The following DLGAP1 variants were observed in gnomAD, a reference collection of about 807,000 sequenced individuals.
DLGAP1 encodes disks large-associated protein 1.
Under a neutral mutation model 90.8 loss-of-function variants are expected in DLGAP1, and 11 were observed. The ratio of observed to expected loss-of-function variants is 0.12; its 90% CI spans 0.08 to 0.20. The LOEUF (loss-of-function observed/expected upper bound fraction) is 0.20, where lower values mean the gene tolerates loss of function less well. Ranked by LOEUF, DLGAP1 falls within the 10% of genes least tolerant of loss-of-function variation. DLGAP1 has a pLI of 1.00. For missense variants in DLGAP1, 1,050 were observed against 1,333.8 expected, an observed-to-expected ratio of 0.79 and a Z score of 3.31; for synonymous variants, 558 against 540.7, an observed-to-expected ratio of 1.03 and a Z score of -0.44.
At chr18:3,978,922 G>C (rs147053993) in intron 3 of DLGAP1, among the ~76,000 whole-genome samples, 112 of 152,308 alleles carry the variant, frequency 7.4e-4, no homozygotes, top group Non-Finnish European at 6.2e-4. Flanking sequence ...TACGTGGAAA[G>C]TGTACGTAGG....
At chr18:4,088,094 C>T (rs202228464) in intron 2 of DLGAP1, among the ~76,000 whole-genome samples, 1 of 66,848 alleles carries the variant, frequency 1.5e-5, no homozygotes. Context: ...TTATTTTTTT[C>T]CTATAGAAAA....
chr18:3,728,145 A>T lies in DLGAP1; in HGVS notation c.1591+990T>A, dbSNP rs150217282. ...TAAAATGGAGTGATACAATATTCTGACACAGGCTTTTCTTTCCAATTTATT... is the reference window on the plus strand; with the variant it reads ...TAAAATGGAGTGATACAATATTCTGTCACAGGCTTTTCTTTCCAATTTATT... On this transcript the variant is annotated intron_variant, in intron 7 of 12. Transcript: ENST00000315677. Among the ~76,000 whole-genome samples, 5 of 152,158 alleles carry T rather than the reference A, an allele frequency of 3.3e-5. No homozygotes were observed. In the East Asian group the frequency reaches 9.6e-4, roughly 29 times the overall value.
chr18:4,071,783 C>T (rs7240031), intron 2 of DLGAP1, among the ~76,000 whole-genome samples: 21,972 of 152,152 alleles, frequency 0.14, 1,945 homozygotes, highest in East Asian at 0.4. Context: ...AGCCTTCTTA[C>T]TTGCAGCCTG....
intron 2 of DLGAP1, among the ~76,000 whole-genome samples, chr18:4,033,133 A>C (rs1394340955): frequency 6.6e-6 from 1 of 152,070 alleles, no homozygotes; most frequent in African/African-American, 2.4e-5. Context: ...TTTCTGCCCT[A>C]ATCATTAGTT....
intron 5 of DLGAP1, among the ~76,000 whole-genome samples, chr18:3,796,578 G>C (rs1382695278): frequency 6.6e-6 from 1 of 152,184 alleles, no homozygotes; most frequent in Non-Finnish European, 1.5e-5. Context: ...AACATGCGCT[G>C]AGTGACAGCC....
At chr18:3,699,989 G>A (rs984837195) in intron 7 of DLGAP1, among the ~76,000 whole-genome samples, 27 of 152,186 alleles carry the variant, frequency 1.8e-4, no homozygotes, top group African/African-American at 5.8e-4. Context: ...AAGCTCAAGC[G>A]TCCCAGGTGG....
At position 3,727,108 on chromosome 18, in the gene DLGAP1, G is replaced by C. The variant is rs2062211938; in HGVS notation, c.1591+2027C>G. Among the ~76,000 whole-genome samples the C allele has an allele frequency of 6.6e-6, 1 of 152,218 alleles. No individual in the cohort carries two copies. Among genetic ancestry groups the C allele is most frequent in the Non-Finnish European group, 1.5e-5 (1 of 68,044 alleles). On this transcript the variant is annotated intron_variant, in intron 7 of 12. Coordinates refer to ENST00000315677, the MANE Select transcript of DLGAP1 (RefSeq NM_004746.4). The surrounding 1 kb of genome is among the most constrained non-coding windows in gnomAD (Gnocchi z 4.7). Reference sequence around the variant, plus strand: ...CATGACAAATAGTTCTGTAGTATAAGTGTTTCTCATGCAATATTTGGGATA... The same window carrying C: ...CATGACAAATAGTTCTGTAGTATAACTGTTTCTCATGCAATATTTGGGATA...
intron 1 of DLGAP1, among the ~76,000 whole-genome samples, chr18:4,442,000 T>C (rs2083546935): frequency 6.6e-6 from 1 of 152,066 alleles, no homozygotes; most frequent in South Asian, 2.1e-4. Context: ...TTTTGTTTGT[T>C]TGTTCTTTTG....
At chr18:4,310,480 G>A (rs1414644921) in intron 1 of DLGAP1, among the ~76,000 whole-genome samples, 1 of 152,150 alleles carries the variant, frequency 6.6e-6, no homozygotes, top group African/African-American at 2.4e-5. Flanking sequence ...CAAGAAGGCT[G>A]CAATCATCCA....
At chr18:4,357,091 G>A (rs899365066) in intron 1 of DLGAP1, among the ~76,000 whole-genome samples, 1 of 4,678 alleles carries the variant, frequency 2.1e-4, no homozygotes, top group African/African-American at 2.3e-4. Context: ...ATACGTGTGC[G>A]TGTGTGTGTG....
chr18:4,047,541 T>C (rs557127360), intron 2 of DLGAP1, among the ~76,000 whole-genome samples: 4 of 152,220 alleles, frequency 2.6e-5, no homozygotes, highest in South Asian at 2.1e-4. Context: ...AGGTTATACA[T>C]AGTAAGATAA....
chr18:4,250,402 G>C (rs917212583), intron 1 of DLGAP1, among the ~76,000 whole-genome samples: 15 of 152,180 alleles, frequency 9.9e-5, no homozygotes, highest in Admixed American at 3.9e-4. Context: ...AATGTCATCA[G>C]CTGCTGTGTC....
intron 4 of DLGAP1, among the ~76,000 whole-genome samples, chr18:3,846,432 C>T (rs1008195427): frequency 6.6e-6 from 1 of 152,156 alleles, no homozygotes; most frequent in Non-Finnish European, 1.5e-5. Flanking sequence ...TATGACCCAG[C>T]AATCACGCTT....
intron 3 of DLGAP1, among the ~76,000 whole-genome samples, chr18:3,996,924 TGTTTAGGAC>T (rs940759622): frequency 9.9e-4 from 150 of 152,168 alleles, no homozygotes; most frequent in African/African-American, 3.5e-3. Flanking sequence ...CAGATATTGA[TGTTTAGGAC>T]TACACTACAC....
intron 1 of DLGAP1, among the ~76,000 whole-genome samples, chr18:4,353,709 A>G (rs1487748649): frequency 1.3e-5 from 2 of 150,824 alleles, no homozygotes; most frequent in African/African-American, 2.4e-5. Context: ...CATACACACG[A>G]TATATAAACA....
chr18:3,556,578 TGGC>T (rs1360887850), intron 9 of DLGAP1, among the ~76,000 whole-genome samples: 1 of 152,222 alleles, frequency 6.6e-6, no homozygotes, highest in Non-Finnish European at 1.5e-5. Context: ...TGTCTTTTTG[TGGC>T]TCAATAGCTT....
In DLGAP1 at chr18:4,347,919, T is replaced by A. The variant is rs796511970; in HGVS notation, c.-267+107087A>T. 1.1e-3 allele frequency among the ~76,000 whole-genome samples: 30 copies of A among 27,872 alleles called. 1 individual carries two copies. Among genetic ancestry groups the A allele is most frequent in the Non-Finnish European group, 2.8e-3 (1 of 358 alleles). The allele number at this position is 27,872 out of a possible 152,430, so 18.3% of individuals were successfully genotyped here. ...CTGAAAAACACTTAAGAATCAATAATAATTAATGTTAATTCCCAAATCGTA... is the reference window on the plus strand; with the variant it reads ...CTGAAAAACACTTAAGAATCAATAAAAATTAATGTTAATTCCCAAATCGTA... On this transcript the variant is annotated intron_variant, in intron 1 of 12. Coordinates refer to ENST00000315677, the MANE Select transcript of DLGAP1 (RefSeq NM_004746.4).
At chr18:4,145,707 T>C (rs1598480508) in intron 2 of DLGAP1, among the ~76,000 whole-genome samples, 1 of 152,210 alleles carries the variant, frequency 6.6e-6, no homozygotes, top group Non-Finnish European at 1.5e-5. Context: ...ATGAAAATAA[T>C]TTTTTGGAGA....
chr18:3,638,269 G>GGA (rs2058799012), intron 7 of DLGAP1, among the ~76,000 whole-genome samples: 1 of 143,130 alleles, frequency 7.0e-6, no homozygotes, highest in Non-Finnish European at 1.5e-5. Flanking sequence ...TTTTTTTGAG[G>GGA]CAGTGTTTCA....
Sources: gnomAD v4.1 joint callset for allele counts (sites outside exome capture counted in the v4.1 genomes callset) on GRCh38, gnomAD v4.1.1 for gene constraint, Gnocchi (gnomAD v3.1) non-coding constraint, MANE v1.5 for transcripts, NCBI Gene and HGNC (gene_info 2026-07-23, HGNC 2026-07-21) for gene names.